The following IGFBP7 variants were observed in gnomAD, a reference collection of about 807,000 sequenced individuals.
The protein encoded by IGFBP7 is insulin like growth factor binding protein 7.
Under a neutral mutation model 29.4 loss-of-function variants are expected in IGFBP7, and 31 were observed. The observed-to-expected ratio is 1.05, with a 90% CI of 0.79 to 1.42. The LOEUF is 1.42. Among genes scored for constraint, IGFBP7 ranks in the 40% most tolerant of loss-of-function variants. IGFBP7 has a pLI of 0.00. For synonymous variants in IGFBP7, 172 were observed against 174.9 expected (o/e 0.98, Z 0.13); for missense variants, 393 against 395.5 (o/e 0.99, Z 0.05).
intron 1 of IGFBP7, among the ~76,000 whole-genome samples, chr4:57,100,634 C>T (rs1266454890): frequency 6.6e-6 from 1 of 152,182 alleles, no homozygotes; most frequent in African/African-American, 2.4e-5. Context: ...CCCCCTTGCT[C>T]ATTCAACAGA....
At position 57,058,296 on chromosome 4, in the gene IGFBP7, A is replaced by G. The variant is rs190533153; in HGVS notation, c.476-17363T>C. Among the ~76,000 whole-genome samples the G allele has an allele frequency of 9.2e-5, 14 of 152,294 alleles. No individual in the cohort carries two copies. In the East Asian group the frequency reaches 2.5e-3, roughly 27 times the overall value. On this transcript the variant is annotated intron_variant, in intron 1 of 4. Coordinates refer to ENST00000295666, the MANE Select transcript of IGFBP7 (RefSeq NM_001553.3). ...AGGCTGGACAGAAGTTCAATTCCTAATAATTAGGGAACATAAAAAAATGTC... is the reference window on the plus strand; with the variant it reads ...AGGCTGGACAGAAGTTCAATTCCTAGTAATTAGGGAACATAAAAAAATGTC...
At chr4:57,089,976 G>C in intron 1 of IGFBP7, among the ~76,000 whole-genome samples, 1 of 152,196 alleles carries the variant, frequency 6.6e-6, no homozygotes, top group Middle Eastern at 3.2e-3. Flanking sequence ...AGCAGAAAGA[G>C]TGAAAGGACC....
chr4:57,067,906 A>C (rs969404380), intron 1 of IGFBP7, among the ~76,000 whole-genome samples: 2 of 152,242 alleles, frequency 1.3e-5, no homozygotes, highest in African/African-American at 4.8e-5. Flanking sequence ...TTCCCCCTGG[A>C]GAATAATTGA....
At chr4:57,039,877 C>T (rs1204528028) in intron 2 of IGFBP7, among the ~76,000 whole-genome samples, 2 of 152,122 alleles carry the variant, frequency 1.3e-5, no homozygotes, top group Non-Finnish European at 2.9e-5. Context: ...CCTCCTGCCT[C>T]AGCCTCCCAA....
intron 2 of IGFBP7, among the ~76,000 whole-genome samples, chr4:57,035,731 G>A (rs899553361): frequency 6.6e-6 from 1 of 152,204 alleles, no homozygotes; most frequent in African/African-American, 2.4e-5. Flanking sequence ...AAAGTGCTGG[G>A]ATTACAGGCA....
intron 1 of IGFBP7, among the ~76,000 whole-genome samples, chr4:57,095,733 A>C (rs73242648): frequency 0.042 from 6,408 of 152,220 alleles, 177 homozygotes; most frequent in South Asian, 0.077. Flanking sequence ...GAGAGTAACT[A>C]TAAGGGATAA....
rs75161514 is a variant in IGFBP7, at chr4:57,054,639, C to CAAAAAA, written c.476-13712_476-13707dup. On this transcript the variant is annotated intron_variant, in intron 1 of 4. Coordinates refer to ENST00000295666, the MANE Select transcript of IGFBP7 (RefSeq NM_001553.3). ...GGCGACAGAGCGAGGCTCTCTCTCA[C>CAAAAAA]AAAAAAAAAAAAAAAAAAAAAAAAA... is the stretch of plus-strand genomic sequence containing the variant. Among the ~76,000 whole-genome samples, 250 of 27,772 alleles carry CAAAAAA rather than the reference C, an allele frequency of 9.0e-3. 4 individuals carry two copies. The highest frequency in any genetic ancestry group is 0.04 in the East Asian group (17 of 422). 18.2% of individuals were successfully genotyped at this position (27,772 alleles called of 152,430 possible). A position where few individuals can be genotyped will look rare whatever the true frequency, so the allele number is the denominator to read the frequency against.
In IGFBP7 at chr4:57,065,144, G is replaced by A. The variant is rs1724887521; in HGVS notation, c.476-24211C>T. 2.6e-5 allele frequency among the ~76,000 whole-genome samples: 4 copies of A among 152,380 alleles called. No individual in the cohort carries two copies. In the South Asian group the frequency reaches 8.3e-4, roughly 32 times the overall value. ...GGAACATCACAAAACGTACTGGGGA[G>A]AACTCCCCATGTGGCCTCGGCCCAC... On this transcript the variant is annotated intron_variant, in intron 1 of 4. Coordinates refer to ENST00000295666, the MANE Select transcript of IGFBP7 (RefSeq NM_001553.3).
At chr4:57,035,707 T>G (rs552586049) in intron 2 of IGFBP7, among the ~76,000 whole-genome samples, 26 of 152,302 alleles carry the variant, frequency 1.7e-4, no homozygotes, top group Non-Finnish European at 2.1e-4. Context: ...GTGATCCACT[T>G]GCCTTGGCCT....
At chr4:57,041,819 G>A (rs534343748) in intron 1 of IGFBP7, among the ~76,000 whole-genome samples, 8 of 152,258 alleles carry the variant, frequency 5.3e-5, no homozygotes, top group East Asian at 3.9e-4. Flanking sequence ...GATTACAGGT[G>A]TGAGCCACCA....
At chr4:57,049,516 G>T (rs1375577464) in intron 1 of IGFBP7, among the ~76,000 whole-genome samples, 1 of 152,016 alleles carries the variant, frequency 6.6e-6, no homozygotes, top group Non-Finnish European at 1.5e-5. Flanking sequence ...TTACCTACTT[G>T]GAATATCTTC....
intron 1 of IGFBP7, among the ~76,000 whole-genome samples, chr4:57,068,574 A>G (rs772508206): frequency 1.2e-4 from 19 of 152,348 alleles, no homozygotes; most frequent in Non-Finnish European, 2.1e-4. Context: ...GTTGGAGTCA[A>G]AAATGAAGAA....
At chr4:57,105,751 A>T (rs912091312) in intron 1 of IGFBP7, among the ~76,000 whole-genome samples, 9 of 152,138 alleles carry the variant, frequency 5.9e-5, no homozygotes, top group African/African-American at 2.2e-4. Flanking sequence ...ATACAGATAC[A>T]CAGTACACGT....
At position 57,105,348 on chromosome 4, in the gene IGFBP7, C is replaced by A. The variant is rs116758416; in HGVS notation, c.475+4529G>T. 3.1e-3 allele frequency among the ~76,000 whole-genome samples: 477 copies of A among 152,288 alleles called. 4 individuals carry two copies. Among genetic ancestry groups the A allele is most frequent in the African/African-American group, 0.011 (449 of 41,548 alleles). ...ACCCTGAGATTAGGAGAGTGCCTAG[C>A]CAATTCATAGGTTGATTCATTCATT... On this transcript the variant is annotated intron_variant, in intron 1 of 4. Coordinates refer to ENST00000295666, the MANE Select transcript of IGFBP7 (RefSeq NM_001553.3).
chr4:57,034,093 A>G (rs994496446), intron 2 of IGFBP7, among the ~76,000 whole-genome samples: 9 of 149,214 alleles, frequency 6.0e-5, no homozygotes, highest in African/African-American at 2.2e-4. Context: ...ATGTGCTGTC[A>G]TTGTTCTTTT....
intron 1 of IGFBP7, among the ~76,000 whole-genome samples, chr4:57,061,988 C>G (rs929327618): frequency 2.6e-5 from 4 of 152,082 alleles, no homozygotes; most frequent in Non-Finnish European, 5.9e-5. Flanking sequence ...ATAGCCATTA[C>G]TTCATTTTGT....
intron 2 of IGFBP7, among the ~76,000 whole-genome samples, chr4:57,037,898 C>A (rs1201339566): frequency 6.6e-6 from 1 of 152,196 alleles, no homozygotes; most frequent in Non-Finnish European, 1.5e-5. Flanking sequence ...TCCAAATTAG[C>A]AGTGAGGAAC....
chr4:57,110,233 C>T lies in IGFBP7; in HGVS notation c.119G>A (p.Cys40Tyr). 2 of 1,382,234 alleles carry T rather than the reference C, an allele frequency of 1.4e-6. No individual in the cohort carries two copies. The highest frequency in any genetic ancestry group is 9.3e-7 in the Non-Finnish European group (1 of 1,071,292). 85.6% of individuals were successfully genotyped at this position (1,382,234 alleles called of 1,614,324 possible). ...DTCGPCEPAS[C>Y]PPLPPLGCLL... ...GCAGCCCAGCGGGGGCAGGGGCGGG[C>T]AGGAGGCCGGCTCGCAGGGGCCGCA... is the stretch of plus-strand genomic sequence containing the variant. Residue 40 changes from cysteine to tyrosine, a missense_variant, in exon 1 of 5, where the codon TGC (cysteine) becomes TAC (tyrosine). Transcript: ENST00000295666.
At chr4:57,104,415 G>C (rs1374951382) in intron 1 of IGFBP7, among the ~76,000 whole-genome samples, 2 of 152,062 alleles carry the variant, frequency 1.3e-5, no homozygotes, top group African/African-American at 4.8e-5. Flanking sequence ...TACTGTGTTA[G>C]TTTAGTGAAG....
Sources: gnomAD v4.1 joint callset for allele counts (sites outside exome capture counted in the v4.1 genomes callset) on GRCh38, gnomAD v4.1.1 for gene constraint, MANE v1.5 for transcripts, NCBI Gene and HGNC (gene_info 2026-07-23, HGNC 2026-07-21) for gene names.